The following TENM4 variants were observed in gnomAD, a reference collection of about 807,000 sequenced individuals.
TENM4 encodes the protein teneurin transmembrane protein 4, also known as teneurin-4.
In TENM4, 82 loss-of-function variants were observed where a neutral mutation model predicts 243.3. The observed-to-expected ratio is 0.34, with a 90% CI of 0.28 to 0.40. The LOEUF (loss-of-function observed/expected upper bound fraction) is 0.40. Among genes scored for constraint, TENM4 ranks in the 10% least tolerant of loss-of-function variants. The probability of loss-of-function intolerance (pLI) is 1.00; values close to 1 mark genes in which losing one functional copy is unlikely to be tolerated. For synonymous variants in TENM4, 1,412 were observed against 1,456.3 expected (o/e 0.97, Z 0.69); for missense variants, 3,138 against 3,673.3 (o/e 0.85, Z 3.77).
intron 6 of TENM4, among the ~76,000 whole-genome samples, chr11:78,911,413 A>T (rs1018621652): frequency 3.3e-5 from 5 of 152,336 alleles, no homozygotes; most frequent in Non-Finnish European, 5.9e-5. Flanking sequence ...TAAGGACTGC[A>T]TCACCTGGGC....
intron 1 of TENM4, among the ~76,000 whole-genome samples, chr11:79,437,631 T>C (rs1859302764): frequency 6.6e-6 from 1 of 152,148 alleles, no homozygotes; most frequent in African/African-American, 2.4e-5. Flanking sequence ...CCGACTCCTG[T>C]ACCACGAAGA....
At chr11:79,342,451 G>A (rs1439973460) in intron 1 of TENM4, among the ~76,000 whole-genome samples, 1 of 152,196 alleles carries the variant, frequency 6.6e-6, no homozygotes, top group African/African-American at 2.4e-5. Flanking sequence ...GAGGCGAAGA[G>A]GGTGGGAGGG....
intron 3 of TENM4, among the ~76,000 whole-genome samples, chr11:79,187,872 G>A (rs1009689671): frequency 6.6e-6 from 1 of 152,164 alleles, no homozygotes; most frequent in South Asian, 2.1e-4. Context: ...CAGGCACCTT[G>A]ATTTTGGACT....
intron 3 of TENM4, among the ~76,000 whole-genome samples, chr11:79,204,341 A>G (rs2135198092): frequency 6.6e-6 from 1 of 152,354 alleles, no homozygotes; most frequent in Admixed American, 6.5e-5. Context: ...AAAATGAAGA[A>G]AAAGCAACTA....
At chr11:79,038,303 G>T (rs1419616259) in intron 6 of TENM4, among the ~76,000 whole-genome samples, 3 of 152,142 alleles carry the variant, frequency 2.0e-5, no homozygotes, top group African/African-American at 4.8e-5. Flanking sequence ...ATGCCTCCCA[G>T]GTGCTTCAAA....
At chr11:78,987,460 C>T (rs544222343) in intron 6 of TENM4, among the ~76,000 whole-genome samples, 3 of 152,300 alleles carry the variant, frequency 2.0e-5, no homozygotes, top group Admixed American at 1.3e-4. Flanking sequence ...CTAAGCAATA[C>T]TTACAGAAGT....
At chr11:78,668,082 A>G (rs1858202670) in intron 32 of TENM4, among the ~76,000 whole-genome samples, 1 of 152,126 alleles carries the variant, frequency 6.6e-6, no homozygotes, top group Non-Finnish European at 1.5e-5. Context: ...AAAGGGAACC[A>G]ACACGAGCCA....
intron 9 of TENM4, 109 bp from the exon 10 acceptor site, chr11:78,863,241 A>G: frequency 3.3e-6 from 4 of 1,207,034 alleles, no homozygotes; most frequent in Non-Finnish European, 4.4e-6. Context: ...CATTCAGTTC[A>G]GTTCAACAAG....
At chr11:79,314,491 C>T (rs1274168572) in intron 1 of TENM4, among the ~76,000 whole-genome samples, 1 of 152,186 alleles carries the variant, frequency 6.6e-6, no homozygotes, top group African/African-American at 2.4e-5. Flanking sequence ...AGCTCCAGCA[C>T]AACCCTGGAT....
intron 6 of TENM4, among the ~76,000 whole-genome samples, chr11:78,989,439 T>G (rs1459303707): frequency 1.3e-5 from 2 of 152,242 alleles, no homozygotes; most frequent in African/African-American, 4.8e-5. Context: ...TTAATCCCAG[T>G]AATCAAATAA....
intron 12 of TENM4, among the ~76,000 whole-genome samples, chr11:78,845,424 G>A (rs769200183): frequency 1.7e-4 from 26 of 152,136 alleles, no homozygotes; most frequent in Non-Finnish European, 2.8e-4. Flanking sequence ...AATACAGCCC[G>A]CATCTAAACC....
intron 3 of TENM4, among the ~76,000 whole-genome samples, chr11:79,209,698 G>C (rs1863920806): frequency 6.6e-6 from 1 of 152,200 alleles, no homozygotes. Context: ...ACCGGCATGA[G>C]GTTACCAGTG....
At chr11:79,091,550 C>T (rs1332970516) in intron 4 of TENM4, among the ~76,000 whole-genome samples, 8 of 152,216 alleles carry the variant, frequency 5.3e-5, no homozygotes, top group African/African-American at 1.7e-4. Flanking sequence ...TGGTTCTCTA[C>T]TGCCTAAAGT....
chr11:78,914,247 T>C (rs943158966), intron 6 of TENM4, among the ~76,000 whole-genome samples: 4 of 152,208 alleles, frequency 2.6e-5, no homozygotes, highest in African/African-American at 9.6e-5. Flanking sequence ...CTTCCAGCCA[T>C]TGATGGTCTA....
intron 4 of TENM4, among the ~76,000 whole-genome samples, chr11:79,118,875 T>C (rs1861676979): frequency 6.6e-6 from 1 of 152,222 alleles, no homozygotes; most frequent in South Asian, 2.1e-4. Context: ...CATGGACATA[T>C]AGACCTCTCT....
At chr11:78,936,034 G>T (rs74696231) in intron 6 of TENM4, among the ~76,000 whole-genome samples, 1 of 152,176 alleles carries the variant, frequency 6.6e-6, no homozygotes, top group Non-Finnish European at 1.5e-5. Flanking sequence ...TCATTCCCCA[G>T]TGAGGGATAA....
chr11:78,781,337 T>A (rs1459793691), intron 16 of TENM4, among the ~76,000 whole-genome samples: 1 of 152,172 alleles, frequency 6.6e-6, no homozygotes, highest in East Asian at 1.9e-4. Flanking sequence ...GTAGGCATCT[T>A]TTCTCTTGGG....
At chr11:79,407,516 C>G (rs1218725946) in intron 1 of TENM4, among the ~76,000 whole-genome samples, 1 of 152,190 alleles carries the variant, frequency 6.6e-6, no homozygotes, top group African/African-American at 2.4e-5. Context: ...GGAACCAAGG[C>G]TTACAGAGGT....
intron 14 of TENM4, among the ~76,000 whole-genome samples, chr11:78,810,081 T>C (rs536172488): frequency 6.6e-6 from 1 of 152,242 alleles, no homozygotes; most frequent in South Asian, 2.1e-4. Context: ...AGTGAGCTTG[T>C]TAGCTGATGT....
Sources: allele counts gnomAD v4.1 joint callset (sites outside exome capture counted in the v4.1 genomes callset), GRCh38; gene constraint gnomAD v4.1.1; transcripts MANE v1.5; gene names NCBI Gene and HGNC (gene_info 2026-07-23, HGNC 2026-07-21).